Variants in PCSK2 observed in about 807,000 individuals in gnomAD.
The protein encoded by PCSK2 is proprotein convertase subtilisin/kexin type 2.
In PCSK2, 14 loss-of-function variants were observed where a neutral mutation model predicts 69.7. That is an observed-to-expected ratio of 0.20 (90% CI 0.13 to 0.31). The LOEUF (loss-of-function observed/expected upper bound fraction) is 0.31, where lower values mean the gene tolerates loss of function less well. PCSK2 is among the 10% of genes least tolerant of loss of function. PCSK2 has a pLI of 1.00. For missense variants in PCSK2, 544 were observed against 842.5 expected, an observed-to-expected ratio of 0.65 and a Z score of 4.39; for synonymous variants, 307 against 320.7, an observed-to-expected ratio of 0.96 and a Z score of 0.46.
chr20:17,352,532 A>G (rs981902728), intron 2 of PCSK2, among the ~76,000 whole-genome samples: 3 of 152,224 alleles, frequency 2.0e-5, no homozygotes, highest in African/African-American at 7.2e-5. Context: ...AAGAGAACTC[A>G]GAAATAAAGC....
At chr20:17,315,159 G>A (rs1339294280) in intron 2 of PCSK2, among the ~76,000 whole-genome samples, 1 of 152,004 alleles carries the variant, frequency 6.6e-6, no homozygotes, top group Non-Finnish European at 1.5e-5. Context: ...GTCCCTCCCA[G>A]GACTAATTCC....
intron 2 of PCSK2, among the ~76,000 whole-genome samples, chr20:17,276,764 G>A (rs1399291739): frequency 1.3e-5 from 2 of 152,158 alleles, no homozygotes; most frequent in Non-Finnish European, 2.9e-5. Context: ...ATCAGGAAAA[G>A]AGGAAGTCAA....
intron 2 of PCSK2, among the ~76,000 whole-genome samples, chr20:17,342,843 A>G (rs1990546055): frequency 6.6e-6 from 1 of 150,496 alleles, no homozygotes; most frequent in African/African-American, 2.4e-5. Flanking sequence ...TTTGGTAGAG[A>G]TAGGGTCTTG....
chr20:17,428,880 T>A (rs1357018766), intron 6 of PCSK2, among the ~76,000 whole-genome samples: 2 of 151,284 alleles, frequency 1.3e-5, no homozygotes, highest in East Asian at 3.9e-4. Flanking sequence ...ACACCTGTGG[T>A]CCCAGCTACT....
At chr20:17,398,926 C>T (rs1435815444) in intron 5 of PCSK2, among the ~76,000 whole-genome samples, 33 of 152,022 alleles carry the variant, frequency 2.2e-4, no homozygotes, top group Non-Finnish European at 2.9e-5. Flanking sequence ...ATTAAAAATT[C>T]CATAATATAT....
Position 17,235,080 on chromosome 20 carries a change from A to G in PCSK2, c.177+7598A>G, listed in dbSNP as rs16998858. On this transcript the variant is annotated intron_variant, in intron 1 of 11. Transcript: ENST00000262545. ...AGTCTGAAATGTATAGTTGTGTATTAATGGATGGTTTATATGCGAGACACA... is the reference window on the plus strand; with the variant it reads ...AGTCTGAAATGTATAGTTGTGTATTGATGGATGGTTTATATGCGAGACACA... Among the ~76,000 whole-genome samples the G allele has an allele frequency of 5.8e-3, 878 of 152,288 alleles. 14 individuals are homozygous for G. Among genetic ancestry groups the G allele is most frequent in the African/African-American group, 0.02 (816 of 41,560 alleles).
At chr20:17,271,567 C>T (rs1406522309) in intron 2 of PCSK2, among the ~76,000 whole-genome samples, 13 of 152,064 alleles carry the variant, frequency 8.5e-5, no homozygotes, top group Non-Finnish European at 1.2e-4. Flanking sequence ...AGAGAATAAA[C>T]GGCAAAATGA....
Position 17,484,340 on chromosome 20 carries a change from CTA to C in PCSK2, c.*2272_*2273del, listed in dbSNP as rs1403601192. ...TGCTATATATATAAATATTTGGTCT[CTA>C]TTTCATTTTTTGCATCAGTATTAAT... On this transcript the variant is annotated 3_prime_UTR_variant, in exon 12 of 12. Transcript: ENST00000262545. 2.0e-5 allele frequency: 3 copies of C among 152,402 alleles called. No individual in the cohort carries two copies. The highest frequency in any genetic ancestry group is 6.6e-5 in the Admixed American group (1 of 15,264). The allele number at this position is 152,402 out of a possible 1,614,324, so 9.4% of individuals were successfully genotyped here.
intron 5 of PCSK2, among the ~76,000 whole-genome samples, chr20:17,408,048 AGT>A (rs1020301161): frequency 6.6e-6 from 1 of 152,182 alleles, no homozygotes; most frequent in Non-Finnish European, 1.5e-5. Context: ...TACAAACTCA[AGT>A]GTGTCACAAA....
intron 2 of PCSK2, among the ~76,000 whole-genome samples, chr20:17,313,916 A>G (rs1989596182): frequency 6.6e-6 from 1 of 152,210 alleles, no homozygotes; most frequent in Admixed American, 6.5e-5. Flanking sequence ...TGAATAGCTC[A>G]TATGCACAAA....
chr20:17,354,310 A>G (rs2030120151), intron 2 of PCSK2, among the ~76,000 whole-genome samples: 2 of 152,204 alleles, frequency 1.3e-5, no homozygotes, highest in Admixed American at 1.3e-4. Context: ...AGTGAACTAT[A>G]CGTTATTTTC....
rs191217051 is a variant in PCSK2 at position 17,437,327 on chromosome 20, G to A, written c.885+444G>A. ...AGCCAAGACTATGACCACAATGCTC[G>A]TGGGGCAGGGGGTCTGAGCATGCAT... On this transcript the variant is annotated intron_variant, in intron 8 of 11. Transcript: ENST00000262545. 7.1e-4 allele frequency among the ~76,000 whole-genome samples: 108 copies of A among 152,350 alleles called. No homozygotes were observed. The Middle Eastern group carries it at 0.01, about 14-fold the overall frequency.
At chr20:17,358,522 C>T (rs2030285156) in intron 3 of PCSK2, 82 bp downstream of exon 3, 3 of 802,326 alleles carry the variant, frequency 3.7e-6, no homozygotes, top group Non-Finnish European at 6.4e-6. Context: ...TCATTATTCA[C>T]TAGGATGTTA....
chr20:17,412,709 A>G (rs1396115918), intron 6 of PCSK2, among the ~76,000 whole-genome samples: 3 of 152,176 alleles, frequency 2.0e-5, no homozygotes, highest in Admixed American at 2.0e-4. Flanking sequence ...CAAGAAGAGG[A>G]ACTCCAAGAC....
At chr20:17,369,532 T>C (rs1490168740) in intron 5 of PCSK2, among the ~76,000 whole-genome samples, 1 of 152,076 alleles carries the variant, frequency 6.6e-6, no homozygotes, top group East Asian at 1.9e-4. Flanking sequence ...CACACATGCA[T>C]GCACACACAG....
intron 6 of PCSK2, among the ~76,000 whole-genome samples, chr20:17,428,861 G>A (rs980080997): frequency 4.0e-4 from 60 of 151,282 alleles, no homozygotes; most frequent in Admixed American, 2.2e-3. Context: ...TTAGCCAGGC[G>A]TGGTGCACAC....
At chr20:17,293,328 T>C (rs1988761315) in intron 2 of PCSK2, among the ~76,000 whole-genome samples, 1 of 152,220 alleles carries the variant, frequency 6.6e-6, no homozygotes, top group Non-Finnish European at 1.5e-5. Context: ...ATCTCACACA[T>C]TTTTCTTGCT....
intron 2 of PCSK2, among the ~76,000 whole-genome samples, chr20:17,332,627 C>A (rs374120201): frequency 6.6e-6 from 1 of 152,148 alleles, no homozygotes; most frequent in African/African-American, 2.4e-5. Flanking sequence ...TCCAGACTTA[C>A]GGAATCACAA....
At chr20:17,241,867 T>A (rs1986587363) in intron 1 of PCSK2, among the ~76,000 whole-genome samples, 1 of 152,220 alleles carries the variant, frequency 6.6e-6, no homozygotes, top group Non-Finnish European at 1.5e-5. Context: ...AATAGGCACA[T>A]TACTCCCTGA....
Sources: allele counts gnomAD v4.1 joint callset (sites outside exome capture counted in the v4.1 genomes callset), GRCh38; gene constraint gnomAD v4.1.1; transcripts MANE v1.5; gene names NCBI Gene and HGNC (gene_info 2026-07-23, HGNC 2026-07-21).